MMP16: variants seen among roughly 807,000 people sequenced by gnomAD.
The protein encoded by MMP16 is matrix metalloproteinase-16.
Under a neutral mutation model 67.8 loss-of-function variants are expected in MMP16, and 12 were observed. The ratio of observed to expected loss-of-function variants is 0.18; its 90% CI spans 0.11 to 0.29. The LOEUF is 0.29. Among genes scored for constraint, MMP16 ranks in the 10% least tolerant of loss-of-function variants. MMP16 has a pLI of 1.00. For synonymous variants in MMP16, 249 were observed against 255.9 expected (o/e 0.97, Z 0.26); for missense variants, 475 against 765.7 (o/e 0.62, Z 4.48).
At chr8:88,179,402 T>C (rs1004804800) in intron 3 of MMP16, among the ~76,000 whole-genome samples, 3 of 145,034 alleles carry the variant, frequency 2.1e-5, no homozygotes, top group African/African-American at 7.7e-5. Flanking sequence ...CTTAGACAAA[T>C]AAAAACTAAA....
chr8:88,077,675 G>A (rs776145473), intron 6 of MMP16, among the ~76,000 whole-genome samples: 4 of 152,162 alleles, frequency 2.6e-5, no homozygotes, highest in Non-Finnish European at 4.4e-5. Flanking sequence ...AAAACAAAAT[G>A]TGAAGAGAAA....
chr8:88,091,960 T>C (rs1055391871), intron 6 of MMP16, among the ~76,000 whole-genome samples: 1 of 151,852 alleles, frequency 6.6e-6, no homozygotes, highest in African/African-American at 2.4e-5. Flanking sequence ...AATAACATTT[T>C]AGCATTTGAT....
rs554552736 is a variant in MMP16, at chr8:88,143,318, A to C, written c.709+24351T>G. 3.9e-5 allele frequency among the ~76,000 whole-genome samples: 6 copies of C among 152,244 alleles called. No homozygotes were observed. The East Asian group carries it at 9.6e-4, about 24-fold the overall frequency. ...AGATTAAATTATATAAGTTGATAAT[A>C]AACCTAGATAAAGAGAAGTGTTTCC... On this transcript the variant is annotated intron_variant, in intron 4 of 9. Coordinates refer to ENST00000286614, the MANE Select transcript of MMP16 (RefSeq NM_005941.5).
At chr8:88,221,153 T>C (rs557812151) in intron 1 of MMP16, among the ~76,000 whole-genome samples, 1 of 152,050 alleles carries the variant, frequency 6.6e-6, no homozygotes, top group East Asian at 1.9e-4. Flanking sequence ...GGGGAGTGAG[T>C]GACAGTCTGC....
chr8:88,214,447 T>C (rs915648533), intron 1 of MMP16, among the ~76,000 whole-genome samples: 2 of 152,190 alleles, frequency 1.3e-5, no homozygotes, highest in South Asian at 4.1e-4. Flanking sequence ...AAGACTCATC[T>C]CTATCTCACT....
intron 1 of MMP16, among the ~76,000 whole-genome samples, chr8:88,302,675 A>G (rs566824427): frequency 3.3e-4 from 51 of 152,332 alleles, no homozygotes; most frequent in Non-Finnish European, 7.1e-4. Context: ...AAGGGGAAAC[A>G]GTTAAAGTGA....
intron 3 of MMP16, among the ~76,000 whole-genome samples, chr8:88,175,215 A>C (rs1384850318): frequency 6.6e-6 from 1 of 152,198 alleles, no homozygotes; most frequent in African/African-American, 2.4e-5. Flanking sequence ...CGGTCATTTT[A>C]GCTTTTTCTG....
At chr8:88,101,772 A>G (rs17664775) in intron 6 of MMP16, among the ~76,000 whole-genome samples, 31,999 of 151,866 alleles carry the variant, frequency 0.21, 3,567 homozygotes, top group Middle Eastern at 0.26. Context: ...TTCAGTAAAT[A>G]ATATTTGTAC....
rs1482457377 is a variant in MMP16, at chr8:88,056,194, G to C, written c.1307C>G (p.Pro436Arg). The stretch of plus-strand genomic sequence containing the variant: ...CCAAATGGCTGAATCAATACCATGA[G>C]GGGGAATTCCACTTCCAAGGGTTAT... ...DLITLGSGIPPHGIDSAIWWE... is the reference protein window; with the variant it reads ...DLITLGSGIPRHGIDSAIWWE... Residue 436 changes from proline (P) to arginine (R), a missense_variant, in exon 8 of 10, where the codon CCT becomes CGT. Pro to Arg is a moderately radical substitution (Grantham distance 103, BLOSUM62 -2). This residue lies in a region of MMP16 where 195 missense variants were observed against 300.9 expected (regional missense o/e 0.65). Transcript: ENST00000286614. The C allele has an allele frequency of 6.3e-7, 1 of 1,599,334 alleles. No individual in the cohort carries two copies. The highest frequency in any genetic ancestry group is 1.3e-5 in the African/African-American group (1 of 74,524).
intron 6 of MMP16, among the ~76,000 whole-genome samples, chr8:88,093,551 A>T (rs1383688691): frequency 6.6e-6 from 1 of 151,836 alleles, no homozygotes; most frequent in Non-Finnish European, 1.5e-5. Flanking sequence ...TATGTTTAAC[A>T]TCTTAAAATA....
chr8:88,223,247 A>G (rs1364571174), intron 1 of MMP16, among the ~76,000 whole-genome samples: 1 of 152,140 alleles, frequency 6.6e-6, no homozygotes, highest in East Asian at 1.9e-4. Flanking sequence ...TGTTGGTGGG[A>G]GTGTAAACTA....
chr8:88,063,392 G>T (rs1053028341), intron 7 of MMP16, among the ~76,000 whole-genome samples: 22 of 151,838 alleles, frequency 1.4e-4, no homozygotes, highest in African/African-American at 5.3e-4. Flanking sequence ...GAACAGACTA[G>T]CAGAGAAAAT....
chr8:88,075,846 A>G (rs1563524551), intron 6 of MMP16, among the ~76,000 whole-genome samples: 1 of 151,612 alleles, frequency 6.6e-6, no homozygotes, highest in Non-Finnish European at 1.5e-5. Flanking sequence ...ATATTATATA[A>G]GTGATTTATT....
chr8:88,285,568 T>C (rs527375611), intron 1 of MMP16, among the ~76,000 whole-genome samples: 6 of 152,344 alleles, frequency 3.9e-5, no homozygotes, highest in South Asian at 2.1e-4. Flanking sequence ...CTATTTCTTC[T>C]TCCTGGGGAA....
chr8:88,061,127 T>TAC (rs149547108), intron 7 of MMP16, among the ~76,000 whole-genome samples: 4,299 of 143,058 alleles, frequency 0.03, 85 homozygotes, highest in East Asian at 0.1. Context: ...CTGAATATTA[T>TAC]ACACACACAC....
intron 1 of MMP16, among the ~76,000 whole-genome samples, chr8:88,314,400 T>C (rs1811346069): frequency 6.6e-6 from 1 of 152,252 alleles, no homozygotes. Context: ...CTTTGTCGTA[T>C]GCCTGACAAT....
Position 88,071,728 on chromosome 8 carries a change from C to G in MMP16, c.1222+2877G>C, listed in dbSNP as rs144409885. Among the ~76,000 whole-genome samples the G allele has an allele frequency of 5.9e-5, 9 of 152,188 alleles. No homozygotes were observed. In the East Asian group the frequency reaches 1.5e-3, roughly 26 times the overall value. Reference sequence around the variant, plus strand: ...TCGATCAATCTTTATTGAGTGTTTACTATATTCCAGGTATTGTTTAAGACA... The same window carrying G: ...TCGATCAATCTTTATTGAGTGTTTAGTATATTCCAGGTATTGTTTAAGACA... On this transcript the variant is annotated intron_variant, in intron 7 of 9. Transcript: ENST00000286614.
rs953804811 is a variant in MMP16 at position 88,038,521 on chromosome 8, A to C, written c.*2940T>G. The C allele has an allele frequency of 6.6e-6, 1 of 152,448 alleles. No individual in the cohort carries two copies. The highest frequency in any genetic ancestry group is 1.5e-5 in the Non-Finnish European group (1 of 67,932). The allele number at this position is 152,448 out of a possible 1,614,324, so 9.4% of individuals were successfully genotyped here. A position where few individuals can be genotyped will look rare whatever the true frequency, so the allele number is the denominator to read the frequency against. On this transcript the variant is annotated 3_prime_UTR_variant, in exon 10 of 10. Coordinates refer to ENST00000286614, the MANE Select transcript of MMP16 (RefSeq NM_005941.5). This position sits in a 1 kb window ranked among gnomAD's most constrained non-coding sequence, Gnocchi z 4.1. ...TCAGTTTCTTTCTCATTTTAGAGGA[A>C]AAAAAAATCAATTTTCAATGCAGGG...
At chr8:88,306,831 T>A (rs899986623) in intron 1 of MMP16, among the ~76,000 whole-genome samples, 4 of 152,172 alleles carry the variant, frequency 2.6e-5, no homozygotes, top group African/African-American at 9.7e-5. Context: ...TCATACTAAA[T>A]GGGCAAGAGC....
Sources: gnomAD v4.1 joint callset for allele counts (sites outside exome capture counted in the v4.1 genomes callset) on GRCh38, gnomAD v4.1.1 for gene constraint, gnomAD v4.1.1 regional missense constraint, Gnocchi (gnomAD v3.1) non-coding constraint, MANE v1.5 for transcripts, NCBI Gene and HGNC (gene_info 2026-07-23, HGNC 2026-07-21) for gene names.